The following NECAB2 variants were observed in gnomAD, a reference collection of about 807,000 sequenced individuals.
The protein encoded by NECAB2 is N-terminal EF-hand calcium binding protein 2, also known as N-terminal EF-hand calcium-binding protein 2.
Under a neutral mutation model 51.9 loss-of-function variants are expected in NECAB2, and 68 were observed. The observed-to-expected ratio is 1.31, with a 90% CI of 1.08 to 1.60. The LOEUF (loss-of-function observed/expected upper bound fraction) is 1.60, where lower values mean the gene tolerates loss of function less well. Ranked by LOEUF, NECAB2 falls within the 40% of genes most tolerant of loss-of-function variation. The pLI is 0.00. For synonymous variants in NECAB2, 329 were observed against 203.5 expected (o/e 1.62, Z -5.25); for missense variants, 854 against 490.3 (o/e 1.74, Z -7.00).
Position 83,990,213 on chromosome 16 carries a change from A to G in NECAB2, c.460-281A>G, listed in dbSNP as rs570575426. Among the ~76,000 whole-genome samples, 9 of 152,286 alleles carry G rather than the reference A, an allele frequency of 5.9e-5. No individual in the cohort carries two copies. In the South Asian group the frequency reaches 1.7e-3, roughly 28 times the overall value. ...ATGTTGCTGTTTAATCTTCGCTACAACCTTGTAAGATAGATGCTTCAGTGA... is the reference window on the plus strand; with the variant it reads ...ATGTTGCTGTTTAATCTTCGCTACAGCCTTGTAAGATAGATGCTTCAGTGA... On this transcript the variant is annotated intron_variant, in intron 5 of 12. Transcript: ENST00000305202.
chr16:83,966,933 G>A (rs1013043523), upstream of NECAB2, among the ~76,000 whole-genome samples: 2 of 152,022 alleles, frequency 1.3e-5, no homozygotes, highest in Non-Finnish European at 2.9e-5. Context: ...CTGGAGTGCT[G>A]TGGCGCTTGG....
chr16:83,982,766 T>C (rs2084505138), intron 5 of NECAB2, among the ~76,000 whole-genome samples: 1 of 152,204 alleles, frequency 6.6e-6, no homozygotes, highest in South Asian at 2.1e-4. Flanking sequence ...CATGTGCGTA[T>C]GATGTCAGGG....
At position 83,994,625 on chromosome 16, in the gene NECAB2, G is replaced by C; in HGVS notation, c.732G>C (p.Lys244Asn). 1 of 1,614,162 alleles carries C rather than the reference G, an allele frequency of 6.2e-7. No homozygotes were observed. Among genetic ancestry groups the C allele is most frequent in the Non-Finnish European group, 8.5e-7 (1 of 1,180,044 alleles). The change falls in exon 8 of 13, where the codon AAG (lysine) becomes AAC (asparagine). Residue 244 changes from lysine (K) to asparagine (N), a missense_variant. Coordinates refer to ENST00000305202, the MANE Select transcript of NECAB2 (RefSeq NM_019065.3). ...CTACCGCAGCCACGGAGGATGCAAA[G>C]GAAGAGGGTCTGGAAGCCCAGATCA... ...KTLPSATEDA[K>N]EEGLEAQISR...
At chr16:83,968,876 G>A in intron 1 of NECAB2, 27 bp downstream of exon 1, 2 of 1,098,258 alleles carry the variant, frequency 1.8e-6, no homozygotes, top group Non-Finnish European at 1.1e-6. Context: ...CGGGACCCCC[G>A]CCGTGGCCTC....
At chr16:83,996,359 C>T (rs1171866833) in intron 8 of NECAB2, among the ~76,000 whole-genome samples, 2 of 152,330 alleles carry the variant, frequency 1.3e-5, no homozygotes, top group Admixed American at 6.5e-5. Flanking sequence ...TACTACAGAG[C>T]CCAGTGCAAA....
chr16:83,988,259 C>G (rs1369932576), intron 5 of NECAB2, among the ~76,000 whole-genome samples: 2 of 150,844 alleles, frequency 1.3e-5, no homozygotes, highest in Non-Finnish European at 3.0e-5. Flanking sequence ...TTTATGCTTT[C>G]TTCATCTCTT....
At position 83,996,633 on chromosome 16, in the gene NECAB2, C is replaced by G. The variant is rs1567677204; in HGVS notation, c.796-583C>G. ...CTGGGTTCAGACCCACGCTCTGACA[C>G]TTACATGGCTTTCGTGCCTTCAGAG... On this transcript the variant is annotated intron_variant, in intron 8 of 12. Coordinates refer to ENST00000305202, the MANE Select transcript of NECAB2 (RefSeq NM_019065.3). 1.3e-5 allele frequency among the ~76,000 whole-genome samples: 2 copies of G among 152,110 alleles called. 1 individual carries two copies. The highest frequency in any genetic ancestry group is 4.2e-4 in the South Asian group (2 of 4,818).
Position 83,994,703 on chromosome 16 carries a change from G to C in NECAB2, c.795+15G>C, listed in dbSNP as rs1229877814. 3.1e-6 allele frequency: 5 copies of C among 1,613,752 alleles called. No homozygotes were observed. The South Asian group carries it at 5.5e-5, about 18-fold the overall frequency. ...TGGAGAGCAAAGTAAGCCCTGGCCT[G>C]ACCACGGCGTCTACTCCTTCCAACC... On this transcript the variant is annotated intron_variant, in intron 8 of 12. Coordinates refer to ENST00000305202, the MANE Select transcript of NECAB2 (RefSeq NM_019065.3).
At chr16:83,977,848 T>C (rs2084433063) in intron 2 of NECAB2, among the ~76,000 whole-genome samples, 1 of 152,108 alleles carries the variant, frequency 6.6e-6, no homozygotes, top group Admixed American at 6.5e-5. Context: ...CTAAGAACAG[T>C]GCTGAGAGAG....
intron 2 of NECAB2, 52 bp from the exon 3 acceptor site, chr16:83,978,392 C>T: frequency 6.6e-7 from 1 of 1,512,142 alleles, no homozygotes; most frequent in East Asian, 2.3e-5. Context: ...ACTAGCCCCA[C>T]CAGCCTTATC....
rs369982409 is a variant in NECAB2, at chr16:83,998,287, G to A, written c.932G>A (p.Arg311Gln). 152 of 1,613,402 alleles carry A rather than the reference G, an allele frequency of 9.4e-5. No homozygotes were observed. Among genetic ancestry groups the A allele is most frequent in the Middle Eastern group, 1.6e-4 (1 of 6,062 alleles). Reference sequence around the variant, plus strand: ...CTGGACTCTCTGCGCCAGTATCTGCGGGGGACCACTGGCGTGAGGAACTGC... The same window carrying A: ...CTGGACTCTCTGCGCCAGTATCTGCAGGGGACCACTGGCGTGAGGAACTGC... The part of the protein sequence containing the change: ...EFLDSLRQYL[R>Q]GTTGVRNCFH... Residue 311 changes from arginine (R) to glutamine (Q), a missense_variant, in exon 10 of 13, where the codon CGG (arginine) becomes CAG (glutamine). By Grantham distance (43) the Arg-to-Gln change is conservative. Coordinates refer to ENST00000305202, the MANE Select transcript of NECAB2 (RefSeq NM_019065.3).
chr16:83,968,920 C>T, intron 1 of NECAB2, 71 bp downstream of exon 1: 1 of 969,818 alleles, frequency 1.0e-6, no homozygotes, highest in Non-Finnish European at 1.3e-6. Context: ...GCCCCTCGGG[C>T]GGACCCCGAC....
At chr16:83,996,622 A>T (rs1035821915) in intron 8 of NECAB2, among the ~76,000 whole-genome samples, 2 of 152,102 alleles carry the variant, frequency 1.3e-5, no homozygotes, top group African/African-American at 4.8e-5. Flanking sequence ...GTTCAGACCC[A>T]CGCTCTGACA....
intron 2 of NECAB2, among the ~76,000 whole-genome samples, chr16:83,975,753 C>G (rs558862467): frequency 6.5e-4 from 99 of 152,242 alleles, no homozygotes; most frequent in African/African-American, 2.2e-3. Flanking sequence ...GACAGGCTGA[C>G]AGGCTCTTGG....
chr16:83,966,940 T>G (rs1223833186), upstream of NECAB2, among the ~76,000 whole-genome samples: 1 of 152,136 alleles, frequency 6.6e-6, no homozygotes, highest in Admixed American at 6.5e-5. Context: ...GCTGTGGCGC[T>G]TGGTTCACTA....
chr16:83,968,911 C>G, intron 1 of NECAB2, 62 bp downstream of exon 1: 2 of 1,024,764 alleles, frequency 2.0e-6, no homozygotes. Context: ...GCCCCCTCCG[C>G]CCCTCGGGCG....
At chr16:83,978,578 G>T in intron 3 of NECAB2, 26 bp downstream of exon 3, 1 of 1,575,882 alleles carries the variant, frequency 6.3e-7, no homozygotes, top group Non-Finnish European at 8.7e-7. Flanking sequence ...GGCTGGCAGA[G>T]TGGGGGTGTG....
Position 83,978,492 on chromosome 16 carries a change from G to T in NECAB2, c.275G>T (p.Gly92Val). The T allele has an allele frequency of 6.2e-7, 1 of 1,613,984 alleles. No homozygotes were observed. The highest frequency in any genetic ancestry group is 8.5e-7 in the Non-Finnish European group (1 of 1,180,002). Residue 92 changes from glycine to valine, a missense_variant, in exon 3 of 13, where the codon GGC becomes GTC. Gly to Val is a moderately radical substitution (Grantham distance 109). Transcript: ENST00000305202. ...GAATTCCAGCTCTTCTTTGCAGATGGCGTCCTTAATGAGAAAGAACTGGAG... is the reference window on the plus strand; with the variant it reads ...GAATTCCAGCTCTTCTTTGCAGATGTCGTCCTTAATGAGAAAGAACTGGAG... ...LEEFQLFFAD[G>V]VLNEKELEDL...
intron 10 of NECAB2, among the ~76,000 whole-genome samples, chr16:83,998,746 G>A (rs1366813837): frequency 2.0e-5 from 3 of 152,202 alleles, no homozygotes; most frequent in African/African-American, 7.2e-5. Flanking sequence ...AACCACTGAG[G>A]AAGGAGAGGA....
Sources: gnomAD v4.1 joint callset for allele counts (sites outside exome capture counted in the v4.1 genomes callset) on GRCh38, gnomAD v4.1.1 for gene constraint, MANE v1.5 for transcripts, NCBI Gene and HGNC (gene_info 2026-07-23, HGNC 2026-07-21) for gene names.